The following MICAL3 variants were observed in gnomAD, a reference collection of about 807,000 sequenced individuals.
MICAL3 encodes [F-actin]-monooxygenase MICAL3.
A neutral mutation model predicts 207.4 loss-of-function variants in MICAL3; 62 were observed. The ratio of observed to expected loss-of-function variants is 0.30; its 90% CI spans 0.24 to 0.37. The LOEUF is 0.37. Among genes scored for constraint, MICAL3 ranks in the 10% least tolerant of loss-of-function variants. The pLI, the probability that MICAL3 is intolerant of heterozygous loss-of-function variation, is 1.00. For synonymous variants in MICAL3, 1,077 were observed against 1,069.3 expected, an observed-to-expected ratio of 1.01 and a Z score of -0.14; for missense variants, 2,368 against 2,635.6, an observed-to-expected ratio of 0.90 and a Z score of 2.22.
intron 6 of MICAL3, 47 bp from the exon 7 acceptor site, chr22:17,899,595 G>C (rs1267258543): frequency 1.6e-6 from 2 of 1,217,372 alleles, no homozygotes; most frequent in Non-Finnish European, 2.4e-6. Context: ...CTGAGATGAA[G>C]GTGCATCAGG....
chr22:17,990,890 T>C (rs1320281148), intron 1 of MICAL3, among the ~76,000 whole-genome samples: 3 of 152,228 alleles, frequency 2.0e-5, no homozygotes, highest in African/African-American at 7.2e-5. Context: ...GCCAAACCCC[T>C]TGACCTCTTT....
chr22:17,933,904 T>A (rs1425525674), intron 1 of MICAL3, among the ~76,000 whole-genome samples: 1 of 152,024 alleles, frequency 6.6e-6, no homozygotes, highest in Non-Finnish European at 1.5e-5. Context: ...ACACATACAC[T>A]CTCTCAAGAC....
chr22:17,874,782 G>A (rs141326824), intron 16 of MICAL3, among the ~76,000 whole-genome samples: 3,383 of 152,190 alleles, frequency 0.022, 45 homozygotes, highest in Middle Eastern at 0.061. Flanking sequence ...AGTAGGAGCG[G>A]CAAAGAGACC....
intron 1 of MICAL3, among the ~76,000 whole-genome samples, chr22:18,022,163 T>A (rs1924521279): frequency 6.6e-6 from 1 of 152,104 alleles, no homozygotes; most frequent in South Asian, 2.1e-4. Flanking sequence ...TGAACATTCA[T>A]GGTAACTTTA....
intron 5 of MICAL3, among the ~76,000 whole-genome samples, chr22:17,901,310 T>G (rs2146257570): frequency 6.6e-6 from 1 of 152,238 alleles, no homozygotes; most frequent in South Asian, 2.1e-4. Flanking sequence ...ATATGTAGAT[T>G]AAGTCCTACA....
chr22:17,987,654 C>T (rs1921184418), intron 1 of MICAL3, among the ~76,000 whole-genome samples: 1 of 152,222 alleles, frequency 6.6e-6, no homozygotes, highest in South Asian at 2.1e-4. Flanking sequence ...TGGAGAGATG[C>T]TAGCTTCAAA....
chr22:17,996,401 G>A (rs866422291), intron 1 of MICAL3, among the ~76,000 whole-genome samples: 51 of 149,750 alleles, frequency 3.4e-4, no homozygotes, highest in African/African-American at 1.2e-3. Context: ...CCGAGGTCGT[G>A]CCACTGCACT....
intron 1 of MICAL3, among the ~76,000 whole-genome samples, chr22:17,937,465 A>ACC (rs1236214781): frequency 1.3e-5 from 2 of 152,150 alleles, no homozygotes; most frequent in Non-Finnish European, 2.9e-5. Flanking sequence ...GGAGTTCAAG[A>ACC]CCAGCCTGAC....
intron 20 of MICAL3, chr22:17,840,904 T>G (rs1923942608): frequency 6.6e-6 from 1 of 152,250 alleles, no homozygotes; most frequent in African/African-American, 2.4e-5. Flanking sequence ...AGCCCAAGAA[T>G]GAATCTAGGC....
At chr22:17,865,834 G>C (rs957971471) in intron 18 of MICAL3, 90 bp downstream of exon 18, 22 of 1,006,750 alleles carry the variant, frequency 2.2e-5, no homozygotes, top group Non-Finnish European at 3.3e-5. Flanking sequence ...AAGGACGCAG[G>C]GGCATTTGCA....
intron 1 of MICAL3, among the ~76,000 whole-genome samples, chr22:17,929,860 G>T (rs534973081): frequency 1.3e-4 from 20 of 152,240 alleles, no homozygotes; most frequent in African/African-American, 4.6e-4. Context: ...GAGCCACTGC[G>T]CCCGGCCTCT....
chr22:17,844,141 C>T (rs955831927), intron 19 of MICAL3, among the ~76,000 whole-genome samples: 3 of 152,188 alleles, frequency 2.0e-5, no homozygotes, highest in African/African-American at 4.8e-5. Flanking sequence ...CCACCATGCC[C>T]GGCTGTGTTA....
At chr22:17,884,197 G>T in intron 16 of MICAL3, 1 of 972,708 alleles carries the variant, frequency 1.0e-6, no homozygotes, top group Non-Finnish European at 1.5e-6. Flanking sequence ...GCACAGGCCT[G>T]AACCCTGGCT....
intron 29 of MICAL3, among the ~76,000 whole-genome samples, chr22:17,799,982 A>ACACACACACACG (rs932512538): frequency 1.2e-3 from 182 of 147,738 alleles, no homozygotes; most frequent in African/African-American, 4.4e-3. Flanking sequence ...ACACACACAC[A>ACACACACACACG]CGCGTTGGGA....
At chr22:17,961,435 C>T (rs1424257532) in intron 1 of MICAL3, among the ~76,000 whole-genome samples, 2 of 152,128 alleles carry the variant, frequency 1.3e-5, no homozygotes, top group African/African-American at 4.8e-5. Flanking sequence ...AGTGGAGGCC[C>T]CTTCCCCCTC....
At chr22:17,960,614 C>CA (rs1426572269) in intron 1 of MICAL3, among the ~76,000 whole-genome samples, 1 of 152,050 alleles carries the variant, frequency 6.6e-6, no homozygotes, top group East Asian at 1.9e-4. Flanking sequence ...TCAGGATTGG[C>CA]AAGGGGCTCC....
In MICAL3 at chr22:17,818,355, TGGA is replaced by T; in HGVS notation, c.4303_4305del (p.Ser1435del). ...CTCTGGCTGCCCAGTGTCTTCATGT[TGGA>T]GGAGCTCCCGTGCAGGCCCAGGCCA... On this transcript the variant is annotated inframe_deletion, in exon 26 of 32. Transcript: ENST00000441493. 5 of 1,599,020 alleles carry T rather than the reference TGGA, an allele frequency of 3.1e-6. No homozygotes were observed. Among genetic ancestry groups the T allele is most frequent in the Non-Finnish European group, 4.3e-6 (5 of 1,174,422 alleles).
At chr22:17,933,389 T>C (rs1933363675) in intron 1 of MICAL3, among the ~76,000 whole-genome samples, 1 of 152,036 alleles carries the variant, frequency 6.6e-6, no homozygotes, top group Non-Finnish European at 1.5e-5. Context: ...CATAACAAAA[T>C]GAAAGCAGAA....
intron 1 of MICAL3, among the ~76,000 whole-genome samples, chr22:17,977,304 T>G (rs574982876): frequency 6.6e-6 from 1 of 152,284 alleles, no homozygotes; most frequent in Admixed American, 6.5e-5. Context: ...GATAGGGAAC[T>G]TGTATCCAGA....
Sources: allele counts gnomAD v4.1 joint callset (sites outside exome capture counted in the v4.1 genomes callset), GRCh38; gene constraint gnomAD v4.1.1; transcripts MANE v1.5; gene names NCBI Gene and HGNC (gene_info 2026-07-23, HGNC 2026-07-21).